ANO3: variants seen among roughly 807,000 people sequenced by gnomAD.
ANO3 encodes the protein anoctamin-3.
ANO3 carries 99 observed loss-of-function variants against 144.8 expected under a neutral mutation model. That is an observed-to-expected ratio of 0.68 (90% CI 0.58 to 0.81). The LOEUF (loss-of-function observed/expected upper bound fraction) is 0.81. Ranked by LOEUF, ANO3 falls within the 30% of genes least tolerant of loss-of-function variation. The probability of loss-of-function intolerance (pLI) is 0.00; values close to 1 mark genes in which losing one functional copy is unlikely to be tolerated. For synonymous variants in ANO3, 414 were observed against 392.6 expected (o/e 1.05, Z -0.64); for missense variants, 905 against 1,202.2 (o/e 0.75, Z 3.66).
chr11:26,265,078 C>A (rs1463357607), intron 1 of ANO3, among the ~76,000 whole-genome samples: 2 of 152,054 alleles, frequency 1.3e-5, no homozygotes, highest in South Asian at 2.1e-4. Context: ...TTTCACCAAG[C>A]AATACTCAGA....
chr11:26,228,818 C>A (rs974579196), intron 1 of ANO3, among the ~76,000 whole-genome samples: 2 of 152,178 alleles, frequency 1.3e-5, no homozygotes, highest in Admixed American at 6.5e-5. Flanking sequence ...AGATGAACAG[C>A]TGAAGACCCA....
At chr11:26,460,423 G>GTT (rs1565038453) in intron 3 of ANO3, among the ~76,000 whole-genome samples, 1 of 46,896 alleles carries the variant, frequency 2.1e-5, no homozygotes, top group African/African-American at 5.2e-5. Context: ...GAAGAAAGGG[G>GTT]GGGGGGCGGG....
In ANO3 at chr11:26,505,008, C is replaced by T. The variant is rs571897024; in HGVS notation, c.433-3096C>T. On this transcript the variant is annotated intron_variant, in intron 4 of 26. Transcript: ENST00000256737. ...GCCTAGGCGACAGAGCGAGACTCCA[C>T]CTCAAAAAAAAAAAAAAAAAAAAAA... is the stretch of plus-strand genomic sequence containing the variant. Among the ~76,000 whole-genome samples the T allele has an allele frequency of 3.6e-4, 25 of 69,630 alleles. No individual in the cohort carries two copies. The South Asian group carries it at 0.017, about 48-fold the overall frequency. 45.7% of individuals were successfully genotyped at this position (69,630 alleles called of 152,430 possible).
At chr11:26,426,550 A>G (rs1234326910) in intron 1 of ANO3, among the ~76,000 whole-genome samples, 1 of 152,196 alleles carries the variant, frequency 6.6e-6, no homozygotes, top group Non-Finnish European at 1.5e-5. Context: ...GTAATTCTTG[A>G]AAAATACCTA....
At chr11:26,415,322 T>C (rs1041388657) in intron 1 of ANO3, among the ~76,000 whole-genome samples, 16 of 152,062 alleles carry the variant, frequency 1.1e-4, no homozygotes, top group African/African-American at 3.4e-4. Context: ...AGAAAGGTGT[T>C]GTCAAGCCTT....
At chr11:26,591,059 G>A (rs1851435705) in intron 14 of ANO3, among the ~76,000 whole-genome samples, 1 of 152,118 alleles carries the variant, frequency 6.6e-6, no homozygotes, top group Non-Finnish European at 1.5e-5. Flanking sequence ...AGCCTAATTG[G>A]TATTTTAGTG....
intron 1 of ANO3, among the ~76,000 whole-genome samples, chr11:26,199,805 A>G (rs189937731): frequency 4.3e-4 from 65 of 152,308 alleles, no homozygotes; most frequent in African/African-American, 1.3e-3. Flanking sequence ...CGTCTTCCTT[A>G]TGGAAACAGT....
intron 11 of ANO3, 149 bp from the exon 12 acceptor site, chr11:26,547,267 C>G: frequency 1.4e-6 from 1 of 701,460 alleles, no homozygotes; most frequent in Non-Finnish European, 2.4e-6. Flanking sequence ...AATTAACAAG[C>G]AGGAGTATTA....
intron 14 of ANO3, among the ~76,000 whole-genome samples, chr11:26,597,668 G>A (rs989934345): frequency 6.6e-6 from 1 of 152,156 alleles, no homozygotes; most frequent in Non-Finnish European, 1.5e-5. Context: ...GACCCAAAGA[G>A]GGTTGCCCCA....
At chr11:26,428,362 A>G (rs1413861521) in intron 1 of ANO3, among the ~76,000 whole-genome samples, 2 of 152,208 alleles carry the variant, frequency 1.3e-5, no homozygotes, top group Admixed American at 1.3e-4. Context: ...TATTGTAATA[A>G]AACTATTAAA....
chr11:26,231,025 T>C (rs4307672), intron 1 of ANO3, among the ~76,000 whole-genome samples: 48,803 of 150,934 alleles, frequency 0.32, 8,599 homozygotes, highest in Non-Finnish European at 0.38. Flanking sequence ...ATTGCAGGTG[T>C]GCACCACCAT....
chr11:26,226,886 A>G (rs893811823), intron 1 of ANO3, among the ~76,000 whole-genome samples: 1 of 152,144 alleles, frequency 6.6e-6, no homozygotes, highest in Non-Finnish European at 1.5e-5. Context: ...ATCCATTTCC[A>G]GAGTTTTTTT....
chr11:26,547,284 T>G (rs905332454), intron 11 of ANO3, 132 bp from the exon 12 acceptor site: 4 of 839,124 alleles, frequency 4.8e-6, no homozygotes, highest in Non-Finnish European at 7.6e-6. Flanking sequence ...ATTAGATACT[T>G]TAGATGGAGC....
chr11:26,411,406 A>G (rs1344968214), intron 1 of ANO3, among the ~76,000 whole-genome samples: 4 of 152,038 alleles, frequency 2.6e-5, no homozygotes, highest in African/African-American at 7.2e-5. Context: ...ACTATTTTCA[A>G]TAATTACCAG....
At chr11:26,343,180 A>G (rs553157381) in intron 1 of ANO3, among the ~76,000 whole-genome samples, 5 of 152,148 alleles carry the variant, frequency 3.3e-5, no homozygotes, top group Admixed American at 1.3e-4. Context: ...CTCTGCTTCT[A>G]TAAGTTCAAC....
At chr11:26,474,064 T>C (rs1859874203) in intron 4 of ANO3, 2 of 985,098 alleles carry the variant, frequency 2.0e-6, no homozygotes, top group Admixed American at 6.2e-5. Context: ...AAGAAGATTG[T>C]CATTTGAGAC....
At chr11:26,584,022 G>A (rs961959350) in intron 14 of ANO3, among the ~76,000 whole-genome samples, 2 of 152,116 alleles carry the variant, frequency 1.3e-5, no homozygotes, top group Admixed American at 1.3e-4. Context: ...CATATTAAAA[G>A]TATAGTACCG....
At chr11:26,363,748 A>C (rs1855988328) in intron 1 of ANO3, among the ~76,000 whole-genome samples, 1 of 151,756 alleles carries the variant, frequency 6.6e-6, no homozygotes, top group African/African-American at 2.4e-5. Flanking sequence ...TGCTTCCTAC[A>C]TTTCTTTTAT....
intron 1 of ANO3, among the ~76,000 whole-genome samples, chr11:26,274,874 A>AAC: frequency 6.6e-6 from 1 of 152,212 alleles, no homozygotes; most frequent in Admixed American, 6.5e-5. Context: ...TATGAAAGGA[A>AAC]ACACAACAAA....
Sources: gnomAD v4.1 joint callset for allele counts (sites outside exome capture counted in the v4.1 genomes callset) on GRCh38, gnomAD v4.1.1 for gene constraint, MANE v1.5 for transcripts, NCBI Gene and HGNC (gene_info 2026-07-23, HGNC 2026-07-21) for gene names.